BMPER: variants seen among roughly 807,000 people sequenced by gnomAD.
BMPER encodes BMP-binding endothelial regulator protein.
In BMPER, 45 loss-of-function variants were observed where a neutral mutation model predicts 87.3. The observed-to-expected ratio is 0.52, with a 90% CI of 0.41 to 0.66. The LOEUF is 0.66. Among genes scored for constraint, BMPER ranks in the 30% least tolerant of loss-of-function variants. The probability of loss-of-function intolerance (pLI) is 0.00; values close to 1 mark genes in which losing one functional copy is unlikely to be tolerated. For synonymous variants in BMPER, 326 were observed against 316.2 expected (o/e 1.03, Z -0.33); for missense variants, 784 against 867.5 (o/e 0.90, Z 1.21).
chr7:34,087,192 C>T (rs1005338422), intron 13 of BMPER, among the ~76,000 whole-genome samples: 1 of 152,116 alleles, frequency 6.6e-6, no homozygotes, highest in Non-Finnish European at 1.5e-5. Flanking sequence ...CATTTGGCTC[C>T]GAGTCATGGG....
At chr7:34,022,325 C>A (rs1310053574) in intron 6 of BMPER, among the ~76,000 whole-genome samples, 2 of 152,014 alleles carry the variant, frequency 1.3e-5, no homozygotes, top group African/African-American at 4.8e-5. Context: ...TGCCTTCCCT[C>A]GTCCTGTGCC....
At chr7:34,116,437 G>C (rs1217714046) in intron 13 of BMPER, among the ~76,000 whole-genome samples, 1 of 152,090 alleles carries the variant, frequency 6.6e-6, no homozygotes, top group Non-Finnish European at 1.5e-5. Context: ...TAGGATATTA[G>C]ATCTTTAAAG....
chr7:34,081,051 T>A (rs1327935025), intron 12 of BMPER, among the ~76,000 whole-genome samples: 1 of 152,174 alleles, frequency 6.6e-6, no homozygotes, highest in Non-Finnish European at 1.5e-5. Flanking sequence ...TGGAACTCAA[T>A]ACCCAGCTGA....
At chr7:34,119,228 G>A (rs187695212) in intron 13 of BMPER, among the ~76,000 whole-genome samples, 2 of 152,246 alleles carry the variant, frequency 1.3e-5, no homozygotes, top group East Asian at 3.9e-4. Flanking sequence ...TGTTAAGATT[G>A]CATGTGCCAG....
intron 6 of BMPER, among the ~76,000 whole-genome samples, chr7:34,006,888 GA>G (rs1786749031): frequency 6.6e-6 from 1 of 152,086 alleles, no homozygotes; most frequent in Non-Finnish European, 1.5e-5. Context: ...CAGAAGTGGA[GA>G]ACAGGACAGA....
intron 13 of BMPER, among the ~76,000 whole-genome samples, chr7:34,113,519 G>A (rs989671689): frequency 1.3e-5 from 2 of 149,264 alleles, no homozygotes; most frequent in Admixed American, 6.7e-5. Flanking sequence ...ATTTATTTTG[G>A]CCAGCATATT....
intron 13 of BMPER, among the ~76,000 whole-genome samples, chr7:34,093,115 T>C (rs1420332): frequency 0.67 from 102,238 of 152,022 alleles, 35,685 homozygotes; most frequent in East Asian, 0.93. Context: ...TACTCATGGG[T>C]GTGATTTATA....
intron 11 of BMPER, among the ~76,000 whole-genome samples, chr7:34,067,537 C>G (rs34953809): frequency 2.8e-3 from 430 of 152,184 alleles, no homozygotes; most frequent in Non-Finnish European, 4.9e-3. Flanking sequence ...CCCTTAACAC[C>G]GAGAGTCTGT....
intron 6 of BMPER, among the ~76,000 whole-genome samples, chr7:34,032,860 A>G (rs1787565688): frequency 6.6e-6 from 1 of 152,094 alleles, no homozygotes; most frequent in African/African-American, 2.4e-5. Context: ...AGCAGGACTG[A>G]TTCTAGAGAG....
intron 6 of BMPER, among the ~76,000 whole-genome samples, chr7:33,984,385 C>T (rs1785943592): frequency 6.6e-6 from 1 of 151,798 alleles, no homozygotes; most frequent in South Asian, 2.1e-4. Context: ...AGAATCACTT[C>T]AATCTGGAGG....
chr7:34,137,404 G>A lies in BMPER; in HGVS notation c.1746-5826G>A, dbSNP rs562303037. 6.8e-4 allele frequency among the ~76,000 whole-genome samples: 103 copies of A among 152,368 alleles called. 1 individual carries two copies. Among genetic ancestry groups the A allele is most frequent in the Middle Eastern group, 3.4e-3 (1 of 294 alleles). The stretch of plus-strand genomic sequence containing the variant: ...TATCAGTGTCCAGCTGTCCAATCCT[G>A]TGGAAGCTGGGAAAAGGTCATGAGG... On this transcript the variant is annotated intron_variant, in intron 13 of 14. Coordinates refer to ENST00000649409, the MANE Select transcript of BMPER (RefSeq NM_001365308.1).
intron 12 of BMPER, among the ~76,000 whole-genome samples, chr7:34,082,328 G>GATT (rs1261837561): frequency 1.7e-5 from 2 of 116,442 alleles, no homozygotes; most frequent in African/African-American, 6.4e-5. Context: ...CAACTTATTA[G>GATT]TTTTTTTTTT....
At chr7:34,129,875 T>C (rs1790535249) in intron 13 of BMPER, among the ~76,000 whole-genome samples, 1 of 152,214 alleles carries the variant, frequency 6.6e-6, no homozygotes, top group Admixed American at 6.5e-5. Flanking sequence ...CTTTGCTAGA[T>C]ATTTGGATTA....
chr7:34,038,582 G>A (rs1787748064), intron 6 of BMPER, among the ~76,000 whole-genome samples: 1 of 152,096 alleles, frequency 6.6e-6, no homozygotes, highest in Admixed American at 6.6e-5. Context: ...CAATAATGCA[G>A]TTATACTTAG....
chr7:33,957,944 G>A lies in BMPER; in HGVS notation c.320-8535G>A, dbSNP rs145647692. Among the ~76,000 whole-genome samples the A allele has an allele frequency of 6.2e-3, 944 of 152,218 alleles. 5 individuals are homozygous for A. The highest frequency in any genetic ancestry group is 0.011 in the South Asian group (53 of 4,826). On this transcript the variant is annotated intron_variant, in intron 3 of 14. Coordinates refer to ENST00000649409, the MANE Select transcript of BMPER (RefSeq NM_001365308.1). ...TAGTGACACAGATGGTGTTTCATAC[G>A]TGTGTTGTAGATAACACATTTATTC...
At chr7:33,991,360 C>G (rs6960205) in intron 6 of BMPER, among the ~76,000 whole-genome samples, 5 of 151,962 alleles carry the variant, frequency 3.3e-5, no homozygotes, top group African/African-American at 9.7e-5. Flanking sequence ...TGTATGGGTC[C>G]AGGAATTTAT....
At chr7:34,130,515 G>A (rs1420281675) in intron 13 of BMPER, among the ~76,000 whole-genome samples, 2 of 152,136 alleles carry the variant, frequency 1.3e-5, no homozygotes, top group Non-Finnish European at 2.9e-5. Flanking sequence ...CTTAGTAGTC[G>A]CTTTATCTGG....
rs376447828 is a variant in BMPER at position 33,945,243 on chromosome 7, CT to C, written c.319+7880del. Among the ~76,000 whole-genome samples, 559 of 81,772 alleles carry C rather than the reference CT, an allele frequency of 6.8e-3. 1 individual carries two copies. The highest frequency in any genetic ancestry group is 0.013 in the Middle Eastern group (1 of 78). The allele number at this position is 81,772 out of a possible 152,430, so 53.6% of individuals were successfully genotyped here. On this transcript the variant is annotated intron_variant, in intron 3 of 14. Transcript: ENST00000649409. Reference sequence around the variant, plus strand: ...GGCCTGAGCCACCGCGCCTGGACTTCTTTTTTTTTTTTTTTTTTTTTTTTTG... The same window carrying C: ...GGCCTGAGCCACCGCGCCTGGACTTCTTTTTTTTTTTTTTTTTTTTTTTTG...
intron 14 of BMPER, 64 bp from the exon 15 acceptor site, chr7:34,153,028 T>G: frequency 6.3e-7 from 1 of 1,587,870 alleles, no homozygotes; most frequent in South Asian, 1.1e-5. Flanking sequence ...GAACGGCATC[T>G]GGCTGAGGGT....
Sources: allele counts gnomAD v4.1 joint callset (sites outside exome capture counted in the v4.1 genomes callset), GRCh38; gene constraint gnomAD v4.1.1; transcripts MANE v1.5; gene names NCBI Gene and HGNC (gene_info 2026-07-23, HGNC 2026-07-21).